Variants in PLAC8 observed in about 807,000 individuals in gnomAD.
PLAC8 encodes placenta associated 8.
PLAC8 carries 6 observed loss-of-function variants against 12.6 expected under a neutral mutation model. The ratio of observed to expected loss-of-function variants is 0.48; its 90% CI spans 0.26 to 0.94. The LOEUF (loss-of-function observed/expected upper bound fraction) is 0.94. Among genes scored for constraint, PLAC8 ranks in the 40% least tolerant of loss-of-function variants. The pLI is 0.14. For missense variants in PLAC8, 122 were observed against 152.7 expected, an observed-to-expected ratio of 0.80 and a Z score of 1.06; for synonymous variants, 54 against 52.6, an observed-to-expected ratio of 1.03 and a Z score of -0.11.
intron 1 of PLAC8, among the ~76,000 whole-genome samples, chr4:83,113,656 G>C: frequency 6.6e-6 from 1 of 152,066 alleles, no homozygotes; most frequent in East Asian, 1.9e-4. Flanking sequence ...GGAGCAGAGA[G>C]AGTGATTAAA....
At chr4:83,113,554 G>C (rs1314088084) in intron 1 of PLAC8, among the ~76,000 whole-genome samples, 1 of 152,232 alleles carries the variant, frequency 6.6e-6, no homozygotes, top group African/African-American at 2.4e-5. Flanking sequence ...GGGCTAAGGA[G>C]ATGCCTGAGG....
intron 1 of PLAC8, among the ~76,000 whole-genome samples, chr4:83,110,070 C>A (rs1242090320): frequency 6.6e-6 from 1 of 152,004 alleles, no homozygotes; most frequent in Non-Finnish European, 1.5e-5. Context: ...CAGCGGCAGG[C>A]GCCAGGAGCC....
At chr4:83,097,860 G>GTTTT (rs70946968) in intron 3 of PLAC8, among the ~76,000 whole-genome samples, 1 of 131,126 alleles carries the variant, frequency 7.6e-6, no homozygotes, top group Non-Finnish European at 1.6e-5. Context: ...AGTTTTGAGG[G>GTTTT]TTTTTTTTTT....
chr4:83,100,004 CAA>C (rs775470981), intron 3 of PLAC8, among the ~76,000 whole-genome samples: 2 of 103,606 alleles, frequency 1.9e-5, no homozygotes, highest in Non-Finnish European at 4.1e-5. Flanking sequence ...GACTCTGTCT[CAA>C]AAAAAAAAAA....
At chr4:83,107,223 C>CAAAAAAAAAAACA (rs1732268635) in intron 2 of PLAC8, among the ~76,000 whole-genome samples, 2 of 139,780 alleles carry the variant, frequency 1.4e-5, no homozygotes, top group African/African-American at 5.6e-5. Flanking sequence ...AAAAAAAAAA[C>CAAAAAAAAAAACA]AAAAAAAAAA....
At position 83,095,609 on chromosome 4, in the gene PLAC8, C is replaced by G. The variant is rs113439832; in HGVS notation, c.244-818G>C. On this transcript the variant is annotated intron_variant, in intron 3 of 4. Transcript: ENST00000311507. The stretch of plus-strand genomic sequence containing the variant: ...GGGGAGAGGGCACATGTGTGTAGTG[C>G]GGGAGGAGGAGAAAATAGAACTAAA... Among the ~76,000 whole-genome samples the G allele has an allele frequency of 8.8e-3, 1,337 of 152,006 alleles. 24 individuals are homozygous for G. The highest frequency in any genetic ancestry group is 0.03 in the African/African-American group (1,253 of 41,454).
At chr4:83,113,259 C>T (rs913305346) in intron 1 of PLAC8, among the ~76,000 whole-genome samples, 2 of 152,132 alleles carry the variant, frequency 1.3e-5, no homozygotes, top group South Asian at 2.1e-4. Context: ...GGTGAGAATT[C>T]GAAAAACGGT....
chr4:83,101,123 T>G (rs1158273566), intron 3 of PLAC8, among the ~76,000 whole-genome samples: 1 of 152,174 alleles, frequency 6.6e-6, no homozygotes, highest in Non-Finnish European at 1.5e-5. Context: ...CTCATGCCTA[T>G]AATCCCAGCA....
chr4:83,097,120 G>A (rs1228180198), intron 3 of PLAC8, among the ~76,000 whole-genome samples: 2 of 152,106 alleles, frequency 1.3e-5, no homozygotes, highest in South Asian at 2.1e-4. Context: ...TGCTGTCCCA[G>A]CTCTATTCCT....
intron 4 of PLAC8, among the ~76,000 whole-genome samples, chr4:83,091,924 C>T (rs904080169): frequency 6.6e-6 from 1 of 152,094 alleles, no homozygotes; most frequent in Non-Finnish European, 1.5e-5. Flanking sequence ...TCTAACACGA[C>T]CTTATTTTGT....
At chr4:83,103,577 A>G (rs1732162471) in intron 3 of PLAC8, among the ~76,000 whole-genome samples, 1 of 152,234 alleles carries the variant, frequency 6.6e-6, no homozygotes, top group Admixed American at 6.5e-5. Context: ...TATTGTAGGT[A>G]AAATGCTACC....
intron 3 of PLAC8, among the ~76,000 whole-genome samples, chr4:83,097,766 G>T (rs1209453871): frequency 6.6e-6 from 1 of 152,108 alleles, no homozygotes; most frequent in African/African-American, 2.4e-5. Context: ...TTTACATAAA[G>T]GTGTGTAGGG....
chr4:83,105,706 G>T (rs1732219040), intron 2 of PLAC8, among the ~76,000 whole-genome samples: 1 of 152,226 alleles, frequency 6.6e-6, no homozygotes, highest in African/African-American at 2.4e-5. Flanking sequence ...AATTTGATCA[G>T]ATCTACATTT....
In PLAC8 at chr4:83,099,778, A is replaced by G. The variant is rs539517250; in HGVS notation, c.244-4987T>C. 2.0e-5 allele frequency among the ~76,000 whole-genome samples: 3 copies of G among 151,980 alleles called. No homozygotes were observed. In the South Asian group the frequency reaches 6.2e-4, roughly 32 times the overall value. On this transcript the variant is annotated intron_variant, in intron 3 of 4. Coordinates refer to ENST00000311507, the MANE Select transcript of PLAC8 (RefSeq NM_016619.3). ...TTTGGAAGGCCAAGGCAGGCGGATC[A>G]CAGGGTCAAGAAATCTAGACCATCC...
intron 1 of PLAC8, among the ~76,000 whole-genome samples, chr4:83,113,074 T>A (rs1337075601): frequency 6.6e-6 from 1 of 152,244 alleles, no homozygotes; most frequent in Non-Finnish European, 1.5e-5. Flanking sequence ...ATCTGTACAA[T>A]GTAGAATTCT....
chr4:83,103,184 C>G (rs992457960), intron 3 of PLAC8, among the ~76,000 whole-genome samples: 4 of 151,952 alleles, frequency 2.6e-5, no homozygotes, highest in African/African-American at 9.6e-5. Context: ...ATCACAAGGT[C>G]AAGAGATCAA....
rs1731784836 is a variant in PLAC8 at position 83,090,544 on chromosome 4, AAAGAAAGAAAGATCCCCCAACTCTATT to A, written c.*410_*436del. 6.9e-6 allele frequency: 1 copy of A among 144,540 alleles called. No individual in the cohort carries two copies. The highest frequency in any genetic ancestry group is 2.7e-5 in the African/African-American group (1 of 37,386). The allele number at this position is 144,540 out of a possible 1,614,324, so 9.0% of individuals were successfully genotyped here. ...CTCTATCTCAAAAAAAAAAAAAAAA[AAAGAAAGAAAGATCCCCCAACTCTATT>A]AAAAAAAAAAAAAAAGAAAAAGGAA... On this transcript the variant is annotated 3_prime_UTR_variant, in exon 5 of 5. Coordinates refer to ENST00000311507, the MANE Select transcript of PLAC8 (RefSeq NM_016619.3).
At chr4:83,109,541 C>T (rs1170052686) in intron 1 of PLAC8, among the ~76,000 whole-genome samples, 1 of 152,140 alleles carries the variant, frequency 6.6e-6, no homozygotes, top group African/African-American at 2.4e-5. Context: ...TGGAGGAGCC[C>T]CTGTTGAGGG....
intron 3 of PLAC8, among the ~76,000 whole-genome samples, chr4:83,104,031 T>C (rs941332363): frequency 2.0e-5 from 3 of 152,152 alleles, no homozygotes; most frequent in African/African-American, 7.2e-5. Context: ...AGCACCCTGA[T>C]CAATCAGCAG....
Sources: allele counts gnomAD v4.1 joint callset (sites outside exome capture counted in the v4.1 genomes callset), GRCh38; gene constraint gnomAD v4.1.1; transcripts MANE v1.5; gene names NCBI Gene and HGNC (gene_info 2026-07-23, HGNC 2026-07-21).